Variants in H2BN1 observed in about 807,000 individuals in gnomAD.
The protein encoded by H2BN1 is H2B.N variant histone 1, also known as histone H2B.N.
At chr17:32,895,834 T>C in the H2BN1 span, among the ~76,000 whole-genome samples, 1 of 152,222 alleles carries the variant, frequency 6.6e-6, no homozygotes, top group Non-Finnish European at 1.5e-5. Context: ...ACACCTGAGC[T>C]CTTAATGAAT....
At chr17:32,900,486 C>G in the H2BN1 span, among the ~76,000 whole-genome samples, 1 of 152,154 alleles carries the variant, frequency 6.6e-6, no homozygotes, top group Non-Finnish European at 1.5e-5. Context: ...AAAGTGATAA[C>G]TCAAGGATTT....
the H2BN1 span, among the ~76,000 whole-genome samples, chr17:32,898,263 A>G: frequency 6.6e-6 from 1 of 152,186 alleles, no homozygotes; most frequent in African/African-American, 2.4e-5. Flanking sequence ...ATGAGACATC[A>G]ATCAATATGT....
At chr17:32,898,544 T>C in the H2BN1 span, among the ~76,000 whole-genome samples, 2 of 152,206 alleles carry the variant, frequency 1.3e-5, no homozygotes, top group Non-Finnish European at 2.9e-5. Context: ...CCAAGGTTTA[T>C]TTTCATTTCA....
the H2BN1 span, among the ~76,000 whole-genome samples, chr17:32,898,198 G>A: frequency 6.6e-6 from 1 of 152,216 alleles, no homozygotes; most frequent in East Asian, 1.9e-4. Flanking sequence ...AGGTTCTGAT[G>A]ACATGGGTCC....
At chr17:32,903,803 G>T in the H2BN1 span, among the ~76,000 whole-genome samples, 1 of 152,190 alleles carries the variant, frequency 6.6e-6, no homozygotes, top group African/African-American at 2.4e-5. Flanking sequence ...CCTACAGAGT[G>T]TTCAAAAGGA....
the H2BN1 span, chr17:32,906,523 C>T: frequency 6.6e-6 from 1 of 152,204 alleles, no homozygotes; most frequent in African/African-American, 2.4e-5. Flanking sequence ...TCTCTGGGTC[C>T]TGTGTTTTTG....
At chr17:32,899,221 T>G in the H2BN1 span, among the ~76,000 whole-genome samples, 19 of 152,164 alleles carry the variant, frequency 1.2e-4, no homozygotes, top group Admixed American at 1.2e-3. Context: ...CAAGAAAAAT[T>G]TTTTAACATA....
chr17:32,901,113 C>T, the H2BN1 span, among the ~76,000 whole-genome samples: 1 of 151,996 alleles, frequency 6.6e-6, no homozygotes, highest in Non-Finnish European at 1.5e-5. Flanking sequence ...GAGGCTGAGG[C>T]AGGAGAATTG....
chr17:32,902,217 TAGAC>T, the H2BN1 span, among the ~76,000 whole-genome samples: 12 of 152,220 alleles, frequency 7.9e-5, no homozygotes, highest in Non-Finnish European at 1.8e-4. Context: ...CATTTTAAAT[TAGAC>T]AGAAGTCATT....
the H2BN1 span, among the ~76,000 whole-genome samples, chr17:32,895,664 C>T: frequency 6.6e-6 from 1 of 152,166 alleles, no homozygotes; most frequent in Non-Finnish European, 1.5e-5. Context: ...ATCATGTTAG[C>T]GGCCCTGGGT....
chr17:32,905,381 TC>T, the H2BN1 span, among the ~76,000 whole-genome samples: 5 of 152,186 alleles, frequency 3.3e-5, no homozygotes, highest in Non-Finnish European at 7.4e-5. Flanking sequence ...TAAAGTTAGC[TC>T]ATGCTGGTAC....
At chr17:32,901,302 A>G in the H2BN1 span, among the ~76,000 whole-genome samples, 4 of 152,234 alleles carry the variant, frequency 2.6e-5, no homozygotes, top group South Asian at 8.3e-4. Flanking sequence ...TTTCAAAAAA[A>G]CCTTGTTAAT....
chr17:32,898,336 C>T, the H2BN1 span, among the ~76,000 whole-genome samples: 10 of 152,268 alleles, frequency 6.6e-5, no homozygotes, highest in South Asian at 8.3e-4. Context: ...CAGGACAACT[C>T]AAAGTGGGGA....
At chr17:32,900,979 G>A in the H2BN1 span, among the ~76,000 whole-genome samples, 24 of 152,118 alleles carry the variant, frequency 1.6e-4, no homozygotes, top group South Asian at 4.1e-3. Context: ...AGACTGAGGC[G>A]GGTGGATCAC....
chr17:32,902,606 C>T, the H2BN1 span, among the ~76,000 whole-genome samples: 7,655 of 152,114 alleles, frequency 0.05, 629 homozygotes, highest in African/African-American at 0.17. Flanking sequence ...TTTGGGAAGC[C>T]GAGGCAGGCG....
At chr17:32,904,383 G>A in the H2BN1 span, among the ~76,000 whole-genome samples, 14 of 152,136 alleles carry the variant, frequency 9.2e-5, no homozygotes, top group African/African-American at 2.9e-4. Flanking sequence ...CAACTTCCTA[G>A]GAGAGAAAAA....
At chr17:32,905,692 A>T in the H2BN1 span, 1 of 152,214 alleles carries the variant, frequency 6.6e-6, no homozygotes, top group Non-Finnish European at 1.5e-5. Flanking sequence ...CAGTATGTAT[A>T]AGATGTACAT....
the H2BN1 span, among the ~76,000 whole-genome samples, chr17:32,899,614 C>T: frequency 6.6e-6 from 1 of 152,162 alleles, no homozygotes; most frequent in African/African-American, 2.4e-5. Context: ...AAAATAGATT[C>T]TTACTGTACT....
the H2BN1 span, among the ~76,000 whole-genome samples, chr17:32,903,710 AG>A: frequency 8.5e-5 from 13 of 152,342 alleles, no homozygotes; most frequent in African/African-American, 2.9e-4. Context: ...GGTCAAACTT[AG>A]GGCTCTTTTT....
Sources: allele counts gnomAD v4.1 joint callset (sites outside exome capture counted in the v4.1 genomes callset), GRCh38; gene constraint gnomAD v4.1.1; transcripts MANE v1.5; gene names NCBI Gene and HGNC (gene_info 2026-07-23, HGNC 2026-07-21).